The following USP37 variants were observed in gnomAD, a reference collection of about 807,000 sequenced individuals.
USP37 encodes the protein ubiquitin carboxyl-terminal hydrolase 37.
In USP37, 27 loss-of-function variants were observed where a neutral mutation model predicts 124.0. The ratio of observed to expected loss-of-function variants is 0.22; its 90% confidence interval spans 0.16 to 0.30. The LOEUF (loss-of-function observed/expected upper bound fraction) is 0.30. USP37 is among the 10% of genes least tolerant of loss of function. The pLI, the probability that USP37 is intolerant of heterozygous loss-of-function variation, is 1.00. For missense variants in USP37, 889 were observed against 1,140.4 expected, an observed-to-expected ratio of 0.78 and a Z score of 3.17; for synonymous variants, 365 against 388.0, an observed-to-expected ratio of 0.94 and a Z score of 0.70.
chr2:218,553,578 T>C lies in USP37; in HGVS notation c.303A>G (p.Ala101=). Residue 101 remains alanine, a synonymous_variant, in exon 5 of 26, where the codon GCA becomes GCG. Transcript: ENST00000258399. ...CTGCAGGAAGTCTGTTTTGATGGAC[T>C]GCATCTAGAAACAACCTCATTTCCT... ...DAEEMRLFLD[A]VHQNRLPAAM... 6.2e-7 allele frequency: 1 copy of C among 1,613,664 alleles called. No homozygotes were observed. The highest frequency in any genetic ancestry group is 1.7e-5 in the Admixed American group (1 of 59,924).
chr2:218,454,730 C>T lies in USP37; in HGVS notation c.*200G>A. 1 of 1,046,158 alleles carries T rather than the reference C, an allele frequency of 9.6e-7. No homozygotes were observed. The highest frequency in any genetic ancestry group is 1.3e-6 in the Non-Finnish European group (1 of 760,626). The allele number at this position is 1,046,158 out of a possible 1,614,324, so 64.8% of individuals were successfully genotyped here. ...CATAGGAGAAAAAGAGGATAATCAG[C>T]TACGGATGTGAGACCAAAGTTTCCA... On this transcript the variant is annotated 3_prime_UTR_variant, in exon 26 of 26. Transcript: ENST00000258399.
At position 218,546,977 on chromosome 2, in the gene USP37, T is replaced by A; in HGVS notation, c.544A>T (p.Thr182Ser). 1 of 1,613,282 alleles carries A rather than the reference T, an allele frequency of 6.2e-7. No individual in the cohort carries two copies. Among genetic ancestry groups the A allele is most frequent in the Non-Finnish European group, 8.5e-7 (1 of 1,179,818 alleles). ...GAAGTAGATGTCAAAGAAGGAATCG[T>A]CCGAGCTATTCCACTTCCTGCTACA... The part of the protein sequence containing the change: ...KTVAGSGIAR[T>S]IPSLTSTSTP... Residue 182 changes from threonine to serine, a missense_variant, in exon 7 of 26, where the codon ACG (threonine) becomes TCG (serine). Physicochemically the swap from Thr to Ser is moderately conservative, Grantham distance 58. Coordinates refer to ENST00000258399, the MANE Select transcript of USP37 (RefSeq NM_020935.3).
chr2:218,493,416 A>G (rs912821463), intron 14 of USP37, among the ~76,000 whole-genome samples: 1 of 152,188 alleles, frequency 6.6e-6, no homozygotes, highest in Non-Finnish European at 1.5e-5. Context: ...GTGCTGTACA[A>G]TTAAAGTGCC....
intron 11 of USP37, among the ~76,000 whole-genome samples, chr2:218,499,673 G>A (rs1689265457): frequency 6.6e-6 from 1 of 152,156 alleles, no homozygotes; most frequent in Admixed American, 6.5e-5. Context: ...AGGATCACAT[G>A]CTGTTTTCAT....
intron 10 of USP37, among the ~76,000 whole-genome samples, chr2:218,526,785 C>CTTTTTTT (rs71064454): frequency 0.02 from 1,484 of 75,856 alleles, 131 homozygotes; most frequent in African/African-American, 0.044. Context: ...ATTTCATTTG[C>CTTTTTTT]TTTTTTTTTT....
intron 10 of USP37, among the ~76,000 whole-genome samples, chr2:218,523,454 G>A (rs749509879): frequency 6.6e-6 from 1 of 152,156 alleles, no homozygotes; most frequent in Non-Finnish European, 1.5e-5. Context: ...TTTGGATTAG[G>A]AATACTTAAT....
intron 8 of USP37, among the ~76,000 whole-genome samples, chr2:218,545,945 T>C (rs1692297691): frequency 6.6e-6 from 1 of 152,178 alleles, no homozygotes; most frequent in South Asian, 2.1e-4. Flanking sequence ...GAAACATTTG[T>C]TTAGAGTTCT....
intron 20 of USP37, among the ~76,000 whole-genome samples, chr2:218,471,620 G>C (rs542851088): frequency 1.3e-5 from 2 of 152,210 alleles, no homozygotes; most frequent in African/African-American, 4.8e-5. Context: ...CCCACCAACT[G>C]TGCCTTCCTC....
intron 25 of USP37, 90 bp downstream of exon 25, chr2:218,455,490 G>GA: frequency 6.7e-7 from 1 of 1,486,978 alleles, no homozygotes; most frequent in Non-Finnish European, 8.9e-7. Flanking sequence ...TCAACTGATG[G>GA]AAACATTTTA....
At chr2:218,499,344 C>A (rs1162653936) in intron 11 of USP37, among the ~76,000 whole-genome samples, 2 of 152,032 alleles carry the variant, frequency 1.3e-5, no homozygotes, top group Non-Finnish European at 2.9e-5. Flanking sequence ...AGAAGAGATG[C>A]AAAAATCTTT....
rs1467965998 is a variant in USP37, at chr2:218,498,054, T to G, written c.1129A>C (p.Lys377Gln). Residue 377 changes from lysine (K) to glutamine (Q), a missense_variant, in exon 12 of 26, where the codon AAG (lysine) becomes CAG (glutamine). By Grantham distance (53) the Lys-to-Gln change is moderately conservative. This residue lies in a region of USP37 where 504 missense variants were observed against 714.3 expected (regional missense o/e 0.71). Transcript: ENST00000258399. ...NDLLKQGIPW[K>Q]KIPLNALIRR... ...ATAAGTGCATTGAGTGGAATTTTCT[T>G]CCATGGGATACCTTGTTTAAGCAAG... 1 of 1,610,786 alleles carries G rather than the reference T, an allele frequency of 6.2e-7. No homozygotes were observed. The highest frequency in any genetic ancestry group is 8.5e-7 in the Non-Finnish European group (1 of 1,178,994).
intron 10 of USP37, among the ~76,000 whole-genome samples, chr2:218,512,802 C>T (rs1690073032): frequency 6.6e-6 from 1 of 152,100 alleles, no homozygotes; most frequent in African/African-American, 2.4e-5. Flanking sequence ...AACCTTTCTG[C>T]ATCTTTATAT....
intron 15 of USP37, chr2:218,486,060 C>T (rs1293684537): frequency 4.0e-6 from 1 of 249,030 alleles, no homozygotes; most frequent in Non-Finnish European, 7.5e-6. Context: ...ACATATGAAC[C>T]ACTACCAAGA....
rs768076909 is a variant in USP37, at chr2:218,546,229, A to G, written c.672T>C (p.Asp224=). ...ELNEDYPKEN[D]SSSNNKAMTD... is the part of the protein sequence containing the mutation. ...CCCTTAAAGTAACTTACGATGATGA[A>G]TCATTTTCCTTAGGGTAATCTTCAT... The change falls in exon 8 of 26, where the codon GAT becomes GAC. Residue 224 remains aspartate, a synonymous_variant. Coordinates refer to ENST00000258399, the MANE Select transcript of USP37 (RefSeq NM_020935.3). 6.2e-7 allele frequency: 1 copy of G among 1,612,472 alleles called. No individual in the cohort carries two copies. The highest frequency in any genetic ancestry group is 1.1e-5 in the South Asian group (1 of 90,970).
intron 10 of USP37, among the ~76,000 whole-genome samples, chr2:218,517,922 T>C (rs1264619773): frequency 2.0e-5 from 3 of 152,164 alleles, no homozygotes; most frequent in Non-Finnish European, 2.9e-5. Context: ...TTCTGAGTCA[T>C]CGTTCAGATC....
intron 10 of USP37, among the ~76,000 whole-genome samples, chr2:218,515,338 C>T (rs1427194467): frequency 6.6e-6 from 1 of 151,934 alleles, no homozygotes; most frequent in Non-Finnish European, 1.5e-5. Context: ...CGCACTGGTA[C>T]CAAAACAGAT....
At chr2:218,459,758 G>C (rs761803061) in intron 23 of USP37, 32 bp downstream of exon 23, 1 of 1,578,098 alleles carries the variant, frequency 6.3e-7, no homozygotes, top group South Asian at 1.1e-5. Context: ...CACTGAATTT[G>C]ACCAACTGTA....
intron 10 of USP37, among the ~76,000 whole-genome samples, chr2:218,525,273 G>A (rs1263795246): frequency 6.6e-6 from 1 of 152,126 alleles, no homozygotes; most frequent in Non-Finnish European, 1.5e-5. Context: ...TTGAGCCCAG[G>A]AGTTTGAGAC....
chr2:218,553,451 A>C (rs956798339), intron 5 of USP37, 102 bp downstream of exon 5: 2 of 1,104,522 alleles, frequency 1.8e-6, no homozygotes, highest in Non-Finnish European at 2.5e-6. Flanking sequence ...ATGGTGTATA[A>C]TCCTTTTAAT....
Sources: allele counts gnomAD v4.1 joint callset (sites outside exome capture counted in the v4.1 genomes callset), GRCh38; gene constraint gnomAD v4.1.1; regional missense constraint gnomAD v4.1.1; transcripts MANE v1.5; gene names NCBI Gene and HGNC (gene_info 2026-07-23, HGNC 2026-07-21).